The following COL15A1 variants were observed in gnomAD, a reference collection of about 807,000 sequenced individuals.
COL15A1 encodes collagen type XV alpha 1 chain, also known as collagen alpha-1(XV) chain.
A neutral mutation model predicts 165.9 loss-of-function variants in COL15A1; 111 were observed. The observed-to-expected ratio is 0.67, with a 90% CI of 0.57 to 0.78. The LOEUF is 0.78. Among genes scored for constraint, COL15A1 ranks in the 30% least tolerant of loss-of-function variants. COL15A1 has a pLI of 0.00. For synonymous variants in COL15A1, 659 were observed against 674.8 expected (o/e 0.98, Z 0.36); for missense variants, 1,745 against 1,789.7 (o/e 0.98, Z 0.45).
rs1839271392 is a variant in COL15A1, at chr9:99,034,925, A to G, written c.2080-89A>G. ...AGAATTCATCAACCTAATTAACTTC[A>G]AGGAGTGATTTTCTGATTCAGGCAT... On this transcript the variant is annotated intron_variant, in intron 17 of 41. Coordinates refer to ENST00000375001, the MANE Select transcript of COL15A1 (RefSeq NM_001855.5). 6 of 1,157,056 alleles carry G rather than the reference A, an allele frequency of 5.2e-6. No homozygotes were observed. In the East Asian group the frequency reaches 1.2e-4, roughly 23 times the overall value. The allele number at this position is 1,157,056 out of a possible 1,614,324, so 71.7% of individuals were successfully genotyped here.
At chr9:98,964,875 G>T (rs1045216190) in intron 2 of COL15A1, among the ~76,000 whole-genome samples, 1 of 152,114 alleles carries the variant, frequency 6.6e-6, no homozygotes, top group Non-Finnish European at 1.5e-5. Context: ...CTTCATCAGC[G>T]CCTTGGCCAA....
intron 2 of COL15A1, among the ~76,000 whole-genome samples, chr9:98,983,342 A>G (rs541900655): frequency 6.6e-6 from 1 of 152,292 alleles, no homozygotes; most frequent in South Asian, 2.1e-4. Context: ...TCATTGATAT[A>G]GTAGGCAGAC....
At chr9:98,963,223 A>G (rs1588492644) in intron 2 of COL15A1, among the ~76,000 whole-genome samples, 1 of 152,308 alleles carries the variant, frequency 6.6e-6, no homozygotes, top group East Asian at 1.9e-4. Context: ...TTCACCATTT[A>G]TGCACCTTAG....
intron 14 of COL15A1, among the ~76,000 whole-genome samples, chr9:99,024,186 T>C (rs1225784359): frequency 6.6e-6 from 1 of 151,674 alleles, no homozygotes; most frequent in Non-Finnish European, 1.5e-5. Context: ...CCCAGCCTGG[T>C]GGGATCAGCC....
rs1345646891 is a variant in COL15A1 at position 98,989,237 on chromosome 9, C to T, written c.783C>T (p.Ala261=). 3.7e-6 allele frequency: 6 copies of T among 1,613,850 alleles called. No homozygotes were observed. In the East Asian group the frequency reaches 6.7e-5, roughly 18 times the overall value. ...EADGVAEILE[A]VTYTQASPKE... is the part of the protein sequence containing the mutation. ...ACGGAGTAGCTGAGATCTTAGAAGCCGTCACCTACACTCAAGCCTCGGTGA... is the reference window on the plus strand; with the variant it reads ...ACGGAGTAGCTGAGATCTTAGAAGCTGTCACCTACACTCAAGCCTCGGTGA... Residue 261 remains alanine (A), a synonymous_variant, in exon 5 of 42, where the codon GCC becomes GCT. Transcript: ENST00000375001.
At chr9:98,986,204 A>T in intron 3 of COL15A1, 92 bp downstream of exon 3, 1 of 1,014,034 alleles carries the variant, frequency 9.9e-7, no homozygotes, top group Non-Finnish European at 1.4e-6. Flanking sequence ...TTATTATTTT[A>T]TTCTTATGTC....
At chr9:99,061,865 G>A (rs372892614) in intron 36 of COL15A1, 106 bp from the exon 37 acceptor site, 12 of 1,209,646 alleles carry the variant, frequency 9.9e-6, no homozygotes, top group East Asian at 7.0e-5. Flanking sequence ...TCTTTATTGA[G>A]TATCTGGGGA....
intron 39 of COL15A1, 135 bp from the exon 40 acceptor site, chr9:99,066,747 A>G (rs1392163026): frequency 2.9e-6 from 2 of 697,160 alleles, no homozygotes. Flanking sequence ...AATGTCAGGG[A>G]GGGATTGAAT....
intron 2 of COL15A1, among the ~76,000 whole-genome samples, chr9:98,959,520 C>T (rs1004700569): frequency 6.6e-6 from 1 of 152,104 alleles, no homozygotes; most frequent in African/African-American, 2.4e-5. Flanking sequence ...AATGGAACCA[C>T]TCTTAGAAAT....
intron 11 of COL15A1, 83 bp from the exon 12 acceptor site, chr9:99,020,306 G>A (rs751689066): frequency 5.0e-6 from 5 of 995,178 alleles, no homozygotes; most frequent in Admixed American, 1.7e-5. Context: ...CACTGACCAG[G>A]ACCAGGGAAT....
In COL15A1 at chr9:99,016,242, C is replaced by T. The variant is rs913719270; in HGVS notation, c.1647+123C>T. 27 of 1,251,166 alleles carry T rather than the reference C, an allele frequency of 2.2e-5. No individual in the cohort carries two copies. The African/African-American group carries it at 3.9e-4, about 18-fold the overall frequency. 77.5% of individuals were successfully genotyped at this position (1,251,166 alleles called of 1,614,324 possible). Reference sequence around the variant, plus strand: ...AGAGGTAGGTTTTCATGTTGGTTTGCAAATTTGGGCATTTGAGGAGCTTTA... The same window carrying T: ...AGAGGTAGGTTTTCATGTTGGTTTGTAAATTTGGGCATTTGAGGAGCTTTA... On this transcript the variant is annotated intron_variant, in intron 11 of 41. Coordinates refer to ENST00000375001, the MANE Select transcript of COL15A1 (RefSeq NM_001855.5).
chr9:98,969,504 T>C (rs1425446371), intron 2 of COL15A1, among the ~76,000 whole-genome samples: 3 of 152,154 alleles, frequency 2.0e-5, no homozygotes, highest in African/African-American at 7.2e-5. Context: ...TCTGAAAAAA[T>C]GTCAGGGCAG....
At position 98,986,052 on chromosome 9, in the gene COL15A1, T is replaced by C. The variant is rs773702295; in HGVS notation, c.588T>C (p.Phe196=). 2.2e-5 allele frequency: 36 copies of C among 1,614,022 alleles called. No homozygotes were observed. The South Asian group carries it at 3.2e-4, about 14-fold the overall frequency. The change falls in exon 3 of 42, where the codon TTT becomes TTC. Residue 196 remains phenylalanine, a synonymous_variant. Transcript: ENST00000375001. ...AGCGGTCCTCCCAGGCTTTGGCTTT[T>C]GAGTCCAGCGCTGGAATCTTCATGG... The part of the protein sequence containing the change: ...PFQRSSQALA[F]ESSAGIFMGN...
At chr9:98,995,981 G>C (rs1047899294) in intron 5 of COL15A1, among the ~76,000 whole-genome samples, 7 of 152,258 alleles carry the variant, frequency 4.6e-5, no homozygotes, top group Non-Finnish European at 7.4e-5. Flanking sequence ...TTTGATCCAG[G>C]TCTGACTGTA....
intron 2 of COL15A1, among the ~76,000 whole-genome samples, chr9:98,962,474 G>A (rs1017971030): frequency 8.5e-5 from 13 of 152,220 alleles, no homozygotes; most frequent in Non-Finnish European, 1.5e-4. Context: ...TTGTGGTGAG[G>A]AGACCAGTAA....
At chr9:99,018,151 G>C (rs994364266) in intron 11 of COL15A1, among the ~76,000 whole-genome samples, 1 of 152,108 alleles carries the variant, frequency 6.6e-6, no homozygotes, top group African/African-American at 2.4e-5. Context: ...GGGTTCCTTC[G>C]TATTATCTAA....
At chr9:99,053,647 C>A (rs544477929) in intron 31 of COL15A1, among the ~76,000 whole-genome samples, 122 of 152,342 alleles carry the variant, frequency 8.0e-4, no homozygotes, top group Non-Finnish European at 1.4e-3. Flanking sequence ...GCCCCATGGG[C>A]CCCACTGCGC....
chr9:98,989,240 C>T lies in COL15A1; in HGVS notation c.786C>T (p.Val262=), dbSNP rs1838374583. The T allele has an allele frequency of 1.9e-6, 3 of 1,613,850 alleles. No homozygotes were observed. The African/African-American group carries it at 4.0e-5, about 22-fold the overall frequency. The change falls in exon 5 of 42, where the codon GTC becomes GTT. Residue 262 remains valine (V), a synonymous_variant. Coordinates refer to ENST00000375001, the MANE Select transcript of COL15A1 (RefSeq NM_001855.5). ...ADGVAEILEA[V]TYTQASPKEA... ...GAGTAGCTGAGATCTTAGAAGCCGT[C>T]ACCTACACTCAAGCCTCGGTGAGTA...
intron 2 of COL15A1, among the ~76,000 whole-genome samples, chr9:98,971,966 C>T (rs376416027): frequency 6.6e-5 from 10 of 152,298 alleles, no homozygotes; most frequent in South Asian, 6.2e-4. Context: ...TGAGGCTGAA[C>T]GGAGGTGCTG....
Sources: gnomAD v4.1 joint callset for allele counts (sites outside exome capture counted in the v4.1 genomes callset) on GRCh38, gnomAD v4.1.1 for gene constraint, MANE v1.5 for transcripts, NCBI Gene and HGNC (gene_info 2026-07-23, HGNC 2026-07-21) for gene names.